CPNE4: variants seen among roughly 807,000 people sequenced by gnomAD.
CPNE4 encodes copine-4.
In CPNE4, 25 loss-of-function variants were observed where a neutral mutation model predicts 67.9. The observed-to-expected ratio is 0.37, with a 90% CI of 0.27 to 0.51. The LOEUF (loss-of-function observed/expected upper bound fraction) is 0.51, where lower values mean the gene tolerates loss of function less well. Among genes scored for constraint, CPNE4 ranks in the 20% least tolerant of loss-of-function variants. The pLI, the probability that CPNE4 is intolerant of heterozygous loss-of-function variation, is 0.93. For synonymous variants in CPNE4, 242 were observed against 244.9 expected, an observed-to-expected ratio of 0.99 and a Z score of 0.11; for missense variants, 464 against 690.8, an observed-to-expected ratio of 0.67 and a Z score of 3.68.
chr3:131,811,832 T>C (rs1436104811), intron 2 of CPNE4, among the ~76,000 whole-genome samples: 2 of 152,180 alleles, frequency 1.3e-5, no homozygotes, highest in East Asian at 3.8e-4. Context: ...ATCATCTCAC[T>C]TAACCTCTTC....
intron 1 of CPNE4, among the ~76,000 whole-genome samples, chr3:131,969,493 C>G (rs1002310948): frequency 4.6e-5 from 7 of 152,072 alleles, no homozygotes; most frequent in Non-Finnish European, 7.4e-5. Flanking sequence ...TATATGTAAG[C>G]CTTTTGTAAA....
chr3:132,006,466 C>T (rs1235298739), intron 1 of CPNE4, among the ~76,000 whole-genome samples: 2 of 152,140 alleles, frequency 1.3e-5, no homozygotes, highest in African/African-American at 4.8e-5. Flanking sequence ...TAGGCTCTCT[C>T]TAAGTATCTA....
intron 7 of CPNE4, among the ~76,000 whole-genome samples, chr3:131,666,174 A>G (rs1055348594): frequency 1.3e-5 from 2 of 152,214 alleles, no homozygotes; most frequent in Non-Finnish European, 2.9e-5. Flanking sequence ...AAAAGGTAGA[A>G]GAGACAGGAA....
intron 1 of CPNE4, among the ~76,000 whole-genome samples, chr3:132,001,515 TGAGA>T (rs139256760): frequency 7.8e-6 from 1 of 127,484 alleles, no homozygotes; most frequent in African/African-American, 3.0e-5. Flanking sequence ...CTTGTAATTG[TGAGA>T]GAGAGAGAGA....
intron 2 of CPNE4, among the ~76,000 whole-genome samples, chr3:131,848,852 C>G (rs921295361): frequency 4.9e-5 from 7 of 144,006 alleles, no homozygotes; most frequent in Non-Finnish European, 1.1e-4. Context: ...GCAGTCTGCT[C>G]ATTTTAAATT....
chr3:131,969,136 C>A (rs1470028746), intron 1 of CPNE4, among the ~76,000 whole-genome samples: 1 of 151,916 alleles, frequency 6.6e-6, no homozygotes, highest in African/African-American at 2.4e-5. Context: ...TGTTCTCACT[C>A]ATAAGTGGGA....
intron 1 of CPNE4, among the ~76,000 whole-genome samples, chr3:131,979,503 C>T (rs187751440): frequency 6.6e-6 from 1 of 152,266 alleles, no homozygotes; most frequent in Admixed American, 6.5e-5. Flanking sequence ...ATAGCTACTC[C>T]TGCTCGCTTT....
chr3:131,890,790 T>G (rs2088084159), intron 2 of CPNE4, among the ~76,000 whole-genome samples: 1 of 152,152 alleles, frequency 6.6e-6, no homozygotes, highest in South Asian at 2.1e-4. Context: ...ATCTATTATT[T>G]GCATCTGGAA....
In CPNE4 at chr3:131,987,613, C is replaced by T. The variant is rs571685085; in HGVS notation, c.-2+46954G>A. Among the ~76,000 whole-genome samples the T allele has an allele frequency of 5.9e-5, 9 of 152,128 alleles. No homozygotes were observed. In the South Asian group the frequency reaches 1.9e-3, roughly 32 times the overall value. On this transcript the variant is annotated intron_variant, in intron 1 of 15. Coordinates refer to ENST00000429747, the MANE Select transcript of CPNE4 (RefSeq NM_130808.3). ...ATGTTGGCCAGGCTGGTCTCGAACT[C>T]CTGACCTCACGTGATCCACCCCCCT... is the stretch of plus-strand genomic sequence containing the variant.
intron 1 of CPNE4, among the ~76,000 whole-genome samples, chr3:131,907,022 C>G (rs1327353246): frequency 6.6e-6 from 1 of 152,108 alleles, no homozygotes; most frequent in East Asian, 1.9e-4. Context: ...AAAAAACAAA[C>G]AACCCCATCA....
intron 3 of CPNE4, among the ~76,000 whole-genome samples, chr3:131,700,866 T>C (rs1211156167): frequency 6.6e-6 from 1 of 151,874 alleles, no homozygotes; most frequent in Non-Finnish European, 1.5e-5. Context: ...AATGATAGAC[T>C]GGATTAAGAA....
At chr3:131,733,589 T>G (rs894161577) in intron 2 of CPNE4, among the ~76,000 whole-genome samples, 2 of 152,126 alleles carry the variant, frequency 1.3e-5, no homozygotes, top group African/African-American at 4.8e-5. Flanking sequence ...CTCACAAAAT[T>G]CATGCCTGCC....
At chr3:131,542,910 G>A in intron 14 of CPNE4, 117 bp from the exon 15 acceptor site, 1 of 681,124 alleles carries the variant, frequency 1.5e-6, no homozygotes. Flanking sequence ...AAGCAACAGT[G>A]ATGACAGACA....
chr3:131,623,838 A>G (rs1048779233), intron 7 of CPNE4, among the ~76,000 whole-genome samples: 4 of 152,238 alleles, frequency 2.6e-5, no homozygotes, highest in African/African-American at 9.6e-5. Flanking sequence ...AGTTGGCTGA[A>G]CTAGGAAGAC....
chr3:131,647,777 A>G (rs2079701718), intron 7 of CPNE4, among the ~76,000 whole-genome samples: 1 of 152,152 alleles, frequency 6.6e-6, no homozygotes, highest in Admixed American at 6.5e-5. Context: ...TTGATTCTCT[A>G]CTTTCCCTTT....
intron 14 of CPNE4, among the ~76,000 whole-genome samples, chr3:131,543,976 G>T (rs1935670366): frequency 6.6e-6 from 1 of 152,194 alleles, no homozygotes; most frequent in Non-Finnish European, 1.5e-5. Context: ...TGGAGGAAAG[G>T]TGCTGTACTC....
intron 1 of CPNE4, among the ~76,000 whole-genome samples, chr3:132,030,491 G>A (rs1356065680): frequency 1.3e-5 from 2 of 152,206 alleles, no homozygotes; most frequent in Non-Finnish European, 2.9e-5. Flanking sequence ...GTCCATCACA[G>A]ATCAGCTTAA....
intron 7 of CPNE4, among the ~76,000 whole-genome samples, chr3:131,624,209 C>T (rs185609473): frequency 1.1e-4 from 16 of 152,296 alleles, no homozygotes; most frequent in Admixed American, 4.6e-4. Context: ...GCTTATCTCA[C>T]GCACCAAGTT....
intron 2 of CPNE4, among the ~76,000 whole-genome samples, chr3:131,874,682 A>T (rs1289414726): frequency 2.6e-5 from 4 of 152,216 alleles, no homozygotes; most frequent in African/African-American, 9.6e-5. Context: ...CTTCATATTC[A>T]TTGTTATATT....
Sources: allele counts gnomAD v4.1 joint callset (sites outside exome capture counted in the v4.1 genomes callset), GRCh38; gene constraint gnomAD v4.1.1; transcripts MANE v1.5; gene names NCBI Gene and HGNC (gene_info 2026-07-23, HGNC 2026-07-21).